The following AP3B1 variants were observed in gnomAD, a reference collection of about 807,000 sequenced individuals.
AP3B1 encodes adaptor related protein complex 3 subunit beta 1, also known as AP-3 complex subunit beta-1.
AP3B1 carries 61 observed loss-of-function variants against 132.5 expected under a neutral mutation model. That is an observed-to-expected ratio of 0.46 (90% CI 0.37 to 0.57). The LOEUF is 0.57. AP3B1 is among the 20% of genes least tolerant of loss of function. The probability of loss-of-function intolerance (pLI) is 0.00; values close to 1 mark genes in which losing one functional copy is unlikely to be tolerated. For synonymous variants in AP3B1, 388 were observed against 438.3 expected (o/e 0.89, Z 1.43); for missense variants, 1,120 against 1,289.4 (o/e 0.87, Z 2.01).
intron 22 of AP3B1, among the ~76,000 whole-genome samples, chr5:78,085,902 G>A (rs1750226394): frequency 6.6e-6 from 1 of 152,128 alleles, no homozygotes; most frequent in South Asian, 2.1e-4. Flanking sequence ...ACATCAGATA[G>A]ATGTTCTTTG....
chr5:78,145,059 C>A (rs1431315203), intron 14 of AP3B1, among the ~76,000 whole-genome samples: 1 of 152,106 alleles, frequency 6.6e-6, no homozygotes, highest in African/African-American at 2.4e-5. Flanking sequence ...ATGAAGGATA[C>A]GCCAAAGGAC....
chr5:78,217,317 C>T (rs2112478601), intron 6 of AP3B1, among the ~76,000 whole-genome samples: 1 of 152,182 alleles, frequency 6.6e-6, no homozygotes, highest in Admixed American at 6.6e-5. Flanking sequence ...AGAATATAGA[C>T]TCGCTATTAT....
chr5:78,215,943 C>T, intron 7 of AP3B1, 112 bp downstream of exon 7: 1 of 957,696 alleles, frequency 1.0e-6, no homozygotes, highest in Non-Finnish European at 1.6e-6. Flanking sequence ...AATGAGTCTT[C>T]CTTAAATATG....
intron 22 of AP3B1, among the ~76,000 whole-genome samples, chr5:78,041,157 C>G (rs757085426): frequency 2.0e-5 from 3 of 151,870 alleles, no homozygotes; most frequent in Non-Finnish European, 2.9e-5. Context: ...GCCTGTAATT[C>G]CAGCTACTCT....
intron 12 of AP3B1, among the ~76,000 whole-genome samples, chr5:78,164,901 C>T (rs1743545794): frequency 6.6e-6 from 1 of 152,114 alleles, no homozygotes; most frequent in African/African-American, 2.4e-5. Context: ...AAAAGAAAAA[C>T]TCTGTGATTA....
At chr5:78,156,791 G>A (rs1237790606) in intron 13 of AP3B1, among the ~76,000 whole-genome samples, 2 of 151,900 alleles carry the variant, frequency 1.3e-5, no homozygotes, top group Non-Finnish European at 2.9e-5. Flanking sequence ...GCAGAAAACA[G>A]CAAACTAAAA....
intron 20 of AP3B1, among the ~76,000 whole-genome samples, chr5:78,109,349 T>C (rs1427573625): frequency 2.0e-5 from 3 of 152,150 alleles, no homozygotes; most frequent in African/African-American, 7.2e-5. Flanking sequence ...TTAATTTTCA[T>C]CCTTGCCTAC....
chr5:78,154,111 G>A (rs1375666523), intron 14 of AP3B1, among the ~76,000 whole-genome samples: 1 of 152,036 alleles, frequency 6.6e-6, no homozygotes, highest in Non-Finnish European at 1.5e-5. Context: ...GCTCCTTTTA[G>A]CATTTCTTAC....
At chr5:78,169,651 C>G (rs1561454244) in intron 11 of AP3B1, among the ~76,000 whole-genome samples, 1 of 152,074 alleles carries the variant, frequency 6.6e-6, no homozygotes, top group Non-Finnish European at 1.5e-5. Context: ...TGGTGTCGAA[C>G]TCCTGGCCTC....
intron 6 of AP3B1, among the ~76,000 whole-genome samples, chr5:78,217,271 T>C (rs1333400041): frequency 6.6e-6 from 1 of 152,112 alleles, no homozygotes; most frequent in Non-Finnish European, 1.5e-5. Flanking sequence ...AGTTTATTAA[T>C]ATGCAACCAA....
intron 20 of AP3B1, 81 bp from the exon 21 acceptor site, chr5:78,101,106 CT>C (rs765351238): frequency 2.2e-5 from 18 of 802,248 alleles, no homozygotes; most frequent in East Asian, 8.2e-5. Flanking sequence ...CCAAAACAAA[CT>C]TTTTTTTCCT....
At position 78,044,161 on chromosome 5, in the gene AP3B1, C is replaced by T. The variant is rs538679826; in HGVS notation, c.2578-4887G>A. On this transcript the variant is annotated intron_variant, in intron 22 of 26. Coordinates refer to ENST00000255194, the MANE Select transcript of AP3B1 (RefSeq NM_003664.5). ...TCTCGAAAGAAAAAGGCTACAAGTACTAGAGAGCAAGGTGGGCTGGGACTC... is the reference window on the plus strand; with the variant it reads ...TCTCGAAAGAAAAAGGCTACAAGTATTAGAGAGCAAGGTGGGCTGGGACTC... 1.5e-3 allele frequency: 380 copies of T among 247,316 alleles called. 1 individual carries two copies. The highest frequency in any genetic ancestry group is 0.011 in the Middle Eastern group (8 of 754). 15.3% of individuals were successfully genotyped at this position (247,316 alleles called of 1,614,324 possible).
chr5:78,243,340 G>A (rs1049329156), intron 2 of AP3B1, among the ~76,000 whole-genome samples: 13 of 152,078 alleles, frequency 8.5e-5, no homozygotes, highest in African/African-American at 3.1e-4. Flanking sequence ...CCTGTCCTAT[G>A]GTATCCTACT....
intron 6 of AP3B1, among the ~76,000 whole-genome samples, chr5:78,217,349 G>T (rs144697637): frequency 1.2e-3 from 182 of 152,216 alleles, no homozygotes; most frequent in African/African-American, 4.0e-3. Context: ...TTCAAGTCCT[G>T]TGGGGATTTT....
Position 78,168,418 on chromosome 5 carries a change from C to A in AP3B1, c.1168-2746G>T, listed in dbSNP as rs1350296845. 4.6e-5 allele frequency among the ~76,000 whole-genome samples: 7 copies of A among 151,742 alleles called. No homozygotes were observed. In the East Asian group the frequency reaches 1.4e-3, roughly 29 times the overall value. ...TTAAATTTTTTTGTAGGGACGGAGT[C>A]TCGTTGTGTTGCTCAGGCTGGTCTC... is the stretch of plus-strand genomic sequence containing the variant. On this transcript the variant is annotated intron_variant, in intron 11 of 26. Transcript: ENST00000255194.
chr5:78,174,766 G>A (rs1225799357), intron 11 of AP3B1, among the ~76,000 whole-genome samples: 1 of 152,268 alleles, frequency 6.6e-6, no homozygotes, highest in Non-Finnish European at 1.5e-5. Flanking sequence ...AGAGCTGTCA[G>A]ACAGGTACAC....
At chr5:78,260,410 T>C (rs1748037555) in intron 2 of AP3B1, among the ~76,000 whole-genome samples, 1 of 151,872 alleles carries the variant, frequency 6.6e-6, no homozygotes, top group Non-Finnish European at 1.5e-5. Flanking sequence ...AAGACTAGCA[T>C]GATGAAACCC....
chr5:78,013,571 C>A (rs1396827699), intron 26 of AP3B1, among the ~76,000 whole-genome samples: 1 of 152,114 alleles, frequency 6.6e-6, no homozygotes, highest in South Asian at 2.1e-4. Flanking sequence ...GATAATACAG[C>A]ATTTTGGTGT....
In AP3B1 at chr5:78,039,493, C is replaced by T. The variant is rs114844803; in HGVS notation, c.2578-219G>A. Among the ~76,000 whole-genome samples, 6,500 of 152,052 alleles carry T rather than the reference C, an allele frequency of 0.043. 465 individuals are homozygous for T. Among genetic ancestry groups the T allele is most frequent in the African/African-American group, 0.15 (6,018 of 41,452 alleles). On this transcript the variant is annotated intron_variant, in intron 22 of 26. Transcript: ENST00000255194. ...AACTGTATGAAAATTTTTCTGTAAG[C>T]GGCTGGGCGCGGTGGCTCACGCCTG...
Sources: allele counts gnomAD v4.1 joint callset (sites outside exome capture counted in the v4.1 genomes callset), GRCh38; gene constraint gnomAD v4.1.1; transcripts MANE v1.5; gene names NCBI Gene and HGNC (gene_info 2026-07-23, HGNC 2026-07-21).